GSTCD: variants seen among roughly 807,000 people sequenced by gnomAD.
GSTCD encodes the protein glutathione S-transferase C-terminal domain-containing protein.
Under a neutral mutation model 68.3 loss-of-function variants are expected in GSTCD, and 44 were observed. That is an observed-to-expected ratio of 0.64 (90% CI 0.51 to 0.83). The LOEUF is 0.83. Ranked by LOEUF, GSTCD falls within the 40% of genes least tolerant of loss-of-function variation. The pLI is 0.00. For missense variants in GSTCD, 739 were observed against 735.9 expected, an observed-to-expected ratio of 1.00 and a Z score of -0.05; for synonymous variants, 273 against 255.2, an observed-to-expected ratio of 1.07 and a Z score of -0.67.
chr4:105,845,463 G>A lies in GSTCD; in HGVS notation c.1788G>A (p.Val596=), dbSNP rs763993249. ...CAGGAAAACAGTGCATGTGCTTGGTGGATCTGGATCGAGCAAGAGCTGCAG... is the reference window on the plus strand; with the variant it reads ...CAGGAAAACAGTGCATGTGCTTGGTAGATCTGGATCGAGCAAGAGCTGCAG... ...RLIGKQCMCL[V]DLDRARAAEE... The change falls in exon 12 of 12, where the codon GTG becomes GTA. Residue 596 remains valine, a synonymous_variant. Transcript: ENST00000515279. The A allele has an allele frequency of 1.1e-5, 17 of 1,614,124 alleles. No individual in the cohort carries two copies. Among genetic ancestry groups the A allele is most frequent in the Non-Finnish European group, 1.4e-5 (17 of 1,179,998 alleles).
At position 105,823,013 on chromosome 4, in the gene GSTCD, G is replaced by A. The variant is rs758423767; in HGVS notation, c.1300G>A (p.Val434Met). ...KQQQLNNLVY[V>M]VTNQAKPGDR... ...GCAACAGTTGAACAACCTTGTCTAT[G>A]TGGTAACAAATCAGGCCAAACCTGG... The change falls in exon 6 of 12, where the codon GTG (valine) becomes ATG (methionine). Residue 434 changes from valine (V) to methionine (M), a missense_variant. Val to Met is a conservative substitution (Grantham distance 21, BLOSUM62 1). Transcript: ENST00000515279. 1 of 1,613,888 alleles carries A rather than the reference G, an allele frequency of 6.2e-7. No individual in the cohort carries two copies. Among genetic ancestry groups the A allele is most frequent in the South Asian group, 1.1e-5 (1 of 91,074 alleles).
intron 5 of GSTCD, among the ~76,000 whole-genome samples, chr4:105,736,786 T>A (rs1733477680): frequency 6.6e-6 from 1 of 152,204 alleles, no homozygotes; most frequent in African/African-American, 2.4e-5. Flanking sequence ...TCTAATTCTA[T>A]GAGACCAACT....
chr4:105,708,831 C>G lies in GSTCD; in HGVS notation c.-207C>G, dbSNP rs1362767445. On this transcript the variant is annotated 5_prime_UTR_variant, in exon 1 of 12. Coordinates refer to ENST00000515279, the MANE Select transcript of GSTCD (RefSeq NM_001370181.1). The stretch of plus-strand genomic sequence containing the variant: ...GCCGGATTATGAATGACGGCCGGCG[C>G]GAGTATTTTCCACATAAGGTGGCTG... 6.5e-6 allele frequency: 1 copy of G among 154,184 alleles called. No individual in the cohort carries two copies. The highest frequency in any genetic ancestry group is 2.4e-5 in the African/African-American group (1 of 41,472). 9.6% of individuals were successfully genotyped at this position (154,184 alleles called of 1,614,324 possible).
intron 5 of GSTCD, among the ~76,000 whole-genome samples, chr4:105,804,185 T>C (rs1736243983): frequency 6.6e-6 from 1 of 152,058 alleles, no homozygotes; most frequent in Admixed American, 6.6e-5. Context: ...TTCATTATTG[T>C]TATTATTACA....
intron 5 of GSTCD, among the ~76,000 whole-genome samples, chr4:105,750,122 A>G (rs1466999311): frequency 6.6e-6 from 1 of 152,236 alleles, no homozygotes; most frequent in African/African-American, 2.4e-5. Flanking sequence ...AATTTAAACT[A>G]TAATGAGATA....
rs1475410386 is a variant in GSTCD at position 105,719,297 on chromosome 4, C to T, written c.664C>T (p.His222Tyr). ...LTKGKAKSKV[H>Y]TQETSEGLDS... ...TAAGGGAAAGGCAAAGAGCAAGGTC[C>T]ACACACAGGAAACATCTGAAGGGTT... is the stretch of plus-strand genomic sequence containing the variant. Residue 222 changes from histidine (H) to tyrosine (Y), a missense_variant, in exon 3 of 12, where the codon CAC becomes TAC. Transcript: ENST00000515279. 1 of 1,614,070 alleles carries T rather than the reference C, an allele frequency of 6.2e-7. No individual in the cohort carries two copies. The highest frequency in any genetic ancestry group is 2.2e-5 in the East Asian group (1 of 44,880).
chr4:105,779,209 T>G (rs990657429), intron 5 of GSTCD, among the ~76,000 whole-genome samples: 3 of 152,176 alleles, frequency 2.0e-5, no homozygotes, highest in Non-Finnish European at 2.9e-5. Flanking sequence ...GAACACTTCC[T>G]CAGTCTTTCT....
chr4:105,800,296 T>G (rs1239258904), intron 5 of GSTCD, among the ~76,000 whole-genome samples: 1 of 152,064 alleles, frequency 6.6e-6, no homozygotes, highest in Non-Finnish European at 1.5e-5. Flanking sequence ...CCCATGAGAT[T>G]TACTATCACA....
chr4:105,767,161 G>C (rs1734648374), intron 5 of GSTCD, among the ~76,000 whole-genome samples: 1 of 152,110 alleles, frequency 6.6e-6, no homozygotes, highest in South Asian at 2.1e-4. Context: ...GAAACAGCTA[G>C]ATTGGTTACA....
intron 5 of GSTCD, among the ~76,000 whole-genome samples, chr4:105,808,164 A>C (rs1722597660): frequency 6.6e-6 from 1 of 152,076 alleles, no homozygotes; most frequent in Admixed American, 6.6e-5. Flanking sequence ...TTCTCTTGAA[A>C]TACCCCTTGG....
intron 5 of GSTCD, among the ~76,000 whole-genome samples, chr4:105,822,090 G>A (rs1444774965): frequency 1.3e-5 from 2 of 151,968 alleles, no homozygotes; most frequent in Non-Finnish European, 2.9e-5. Context: ...TGGAAATCTG[G>A]TGTCTTACAT....
chr4:105,749,673 C>A (rs769704658), intron 5 of GSTCD, among the ~76,000 whole-genome samples: 3 of 149,104 alleles, frequency 2.0e-5, no homozygotes, highest in African/African-American at 7.4e-5. Flanking sequence ...CAAAATAGAT[C>A]ATGGAATTAA....
chr4:105,840,355 T>A (rs138021560), intron 10 of GSTCD: 233 of 254,672 alleles, frequency 9.1e-4, no homozygotes, highest in African/African-American at 4.8e-3. Flanking sequence ...AAGTTATTCA[T>A]TGAAACCATT....
chr4:105,768,077 C>G (rs1474600295), intron 5 of GSTCD, among the ~76,000 whole-genome samples: 1 of 151,290 alleles, frequency 6.6e-6, no homozygotes, highest in African/African-American at 2.4e-5. Context: ...TCCCTGTCTC[C>G]CAGGGTGGAG....
rs138752384 is a variant in GSTCD at position 105,814,587 on chromosome 4, G to A, written c.1241-8367G>A. ...AGATAGTGCCATTACACTCCAGCCT[G>A]GTTGACAGAGACTCTGTCTCAAAAA... On this transcript the variant is annotated intron_variant, in intron 5 of 11. Transcript: ENST00000515279. Among the ~76,000 whole-genome samples the A allele has an allele frequency of 4.2e-3, 643 of 151,956 alleles. 2 individuals carry two copies. The highest frequency in any genetic ancestry group is 0.024 in the Middle Eastern group (7 of 294).
At chr4:105,826,275 G>A (rs186002592) in intron 8 of GSTCD, among the ~76,000 whole-genome samples, 208 of 152,058 alleles carry the variant, frequency 1.4e-3, no homozygotes, top group Non-Finnish European at 2.5e-3. Context: ...AAAGTATATT[G>A]ATCATGTTTC....
At chr4:105,827,733 T>G (rs555082682) in intron 8 of GSTCD, among the ~76,000 whole-genome samples, 4 of 152,192 alleles carry the variant, frequency 2.6e-5, no homozygotes, top group African/African-American at 9.6e-5. Context: ...AAATTCATGG[T>G]TTTGTGACAT....
At chr4:105,724,643 T>C (rs1401511317) in intron 3 of GSTCD, among the ~76,000 whole-genome samples, 1 of 151,730 alleles carries the variant, frequency 6.6e-6, no homozygotes, top group African/African-American at 2.4e-5. Context: ...AAAATGGAAC[T>C]TTAGATCATT....
At chr4:105,779,142 T>C (rs558826156) in intron 5 of GSTCD, among the ~76,000 whole-genome samples, 1 of 152,192 alleles carries the variant, frequency 6.6e-6, no homozygotes, top group Non-Finnish European at 1.5e-5. Flanking sequence ...AACAGAAAAA[T>C]CCCATATTTA....
Sources: gnomAD v4.1 joint callset for allele counts (sites outside exome capture counted in the v4.1 genomes callset) on GRCh38, gnomAD v4.1.1 for gene constraint, MANE v1.5 for transcripts, NCBI Gene and HGNC (gene_info 2026-07-23, HGNC 2026-07-21) for gene names.